CEP350: variants seen among roughly 807,000 people sequenced by gnomAD.
The protein encoded by CEP350 is centrosomal protein 350, also known as centrosome-associated protein 350.
CEP350 carries 126 observed loss-of-function variants against 331.8 expected under a neutral mutation model. The ratio of observed to expected loss-of-function variants is 0.38; its 90% CI spans 0.33 to 0.44. The LOEUF is 0.44. Ranked by LOEUF, CEP350 falls within the 20% of genes least tolerant of loss-of-function variation. The pLI is 1.00. For synonymous variants in CEP350, 1,200 were observed against 1,259.5 expected, an observed-to-expected ratio of 0.95 and a Z score of 1.00; for missense variants, 3,406 against 3,634.6, an observed-to-expected ratio of 0.94 and a Z score of 1.62.
At chr1:180,029,563 T>G (rs1234850732) in intron 14 of CEP350, among the ~76,000 whole-genome samples, 1 of 152,192 alleles carries the variant, frequency 6.6e-6, no homozygotes, top group Non-Finnish European at 1.5e-5. Flanking sequence ...CCACTCAACT[T>G]CAGAACTTTC....
Position 179,996,776 on chromosome 1 carries a change from C to G in CEP350, c.619C>G (p.Gln207Glu). 6.2e-7 allele frequency: 1 copy of G among 1,613,306 alleles called. No individual in the cohort carries two copies. The highest frequency in any genetic ancestry group is 2.2e-5 in the East Asian group (1 of 44,888). ...LNDRPAIDAL[Q>E]NSECLIRMGA... is the part of the protein sequence containing the mutation. The stretch of plus-strand genomic sequence containing the variant: ...TGATCGACCAGCAATTGATGCATTG[C>G]AAAATTCTGAATGTTTGATTAGGAT... The change falls in exon 6 of 38, where the codon CAA (glutamine) becomes GAA (glutamate). Residue 207 changes from glutamine (Q) to glutamate (E), a missense_variant. Gln to Glu is a conservative substitution (Grantham distance 29). Around this residue, in one of 5 missense-constraint regions of CEP350, gnomAD observed 1,857 missense variants for 1,909.2 expected, o/e 0.97. Coordinates refer to ENST00000367607, the MANE Select transcript of CEP350 (RefSeq NM_014810.5).
At chr1:180,064,975 A>G in intron 26 of CEP350, 140 bp from the exon 27 acceptor site, 1 of 845,094 alleles carries the variant, frequency 1.2e-6, no homozygotes, top group Non-Finnish European at 1.7e-6. Context: ...TGTGTGATAT[A>G]TTTTGTCCTT....
chr1:180,085,104 CT>C (rs1277627610), intron 31 of CEP350, among the ~76,000 whole-genome samples: 1 of 150,320 alleles, frequency 6.7e-6, no homozygotes, highest in Admixed American at 6.7e-5. Context: ...TCCCCTTCCC[CT>C]TTCCCCTTTC....
intron 31 of CEP350, among the ~76,000 whole-genome samples, chr1:180,085,124 T>C (rs1659790022): frequency 6.7e-6 from 1 of 149,616 alleles, no homozygotes; most frequent in African/African-American, 2.5e-5. Context: ...TCCCTTTCCC[T>C]TCCCCTTTCC....
At chr1:179,992,335 A>T in intron 5 of CEP350, 114 bp downstream of exon 5, 3 of 761,374 alleles carry the variant, frequency 3.9e-6, no homozygotes, top group Non-Finnish European at 3.7e-6. Context: ...AAATAGTATA[A>T]TACTCTAATA....
chr1:180,090,464 T>G (rs2149120655), intron 32 of CEP350, among the ~76,000 whole-genome samples: 1 of 138,550 alleles, frequency 7.2e-6, no homozygotes, highest in East Asian at 2.2e-4. Flanking sequence ...GAGAATGGCG[T>G]GAACCCGGGA....
chr1:179,988,606 A>T (rs554156169), intron 3 of CEP350, among the ~76,000 whole-genome samples: 81 of 152,180 alleles, frequency 5.3e-4, no homozygotes, highest in Admixed American at 1.6e-3. Flanking sequence ...TGTTCTGGCC[A>T]ATCTTGTCTA....
At chr1:180,097,307 A>C (rs1197921729) in intron 36 of CEP350, among the ~76,000 whole-genome samples, 1 of 152,260 alleles carries the variant, frequency 6.6e-6, no homozygotes, top group East Asian at 1.9e-4. Context: ...CGCAAAGCCT[A>C]AAATATTTAC....
At chr1:180,004,723 ACTT>A (rs1021583900) in intron 7 of CEP350, among the ~76,000 whole-genome samples, 11 of 152,184 alleles carry the variant, frequency 7.2e-5, no homozygotes, top group African/African-American at 2.4e-4. Flanking sequence ...ATGATTGATC[ACTT>A]CTTCTTTGAA....
At chr1:180,106,015 A>T (rs993988112) in intron 37 of CEP350, among the ~76,000 whole-genome samples, 1 of 152,166 alleles carries the variant, frequency 6.6e-6, no homozygotes, top group African/African-American at 2.4e-5. Flanking sequence ...TTTCTTTCAC[A>T]AAGGCATTGA....
intron 1 of CEP350, among the ~76,000 whole-genome samples, chr1:179,978,198 T>C (rs1236515974): frequency 1.3e-5 from 2 of 152,140 alleles, no homozygotes; most frequent in Non-Finnish European, 2.9e-5. Flanking sequence ...GAAAGTAGAA[T>C]GTTGTGACAA....
chr1:179,990,160 T>G (rs1168670450), intron 3 of CEP350, among the ~76,000 whole-genome samples: 1 of 151,938 alleles, frequency 6.6e-6, no homozygotes, highest in East Asian at 1.9e-4. Context: ...CACTCCAGCC[T>G]GCGCGACAGA....
chr1:179,968,294 G>T (rs1651172374), intron 1 of CEP350, among the ~76,000 whole-genome samples: 1 of 148,062 alleles, frequency 6.8e-6, no homozygotes, highest in African/African-American at 2.5e-5. Flanking sequence ...TTGCGCCACT[G>T]CACTCCCGCC....
At chr1:180,052,276 G>C (rs1326612483) in intron 22 of CEP350, 2 of 449,180 alleles carry the variant, frequency 4.5e-6, no homozygotes, top group Non-Finnish European at 8.9e-6. Flanking sequence ...TGGCCTCAAG[G>C]GATCCTCCCA....
At chr1:180,104,072 AATAT>A (rs1215585445) in intron 37 of CEP350, among the ~76,000 whole-genome samples, 2 of 147,914 alleles carry the variant, frequency 1.4e-5, no homozygotes, top group African/African-American at 4.9e-5. Context: ...AATATACACA[AATAT>A]ATATATTTTA....
intron 32 of CEP350, among the ~76,000 whole-genome samples, chr1:180,089,799 G>A (rs1210771400): frequency 6.6e-6 from 1 of 152,082 alleles, no homozygotes; most frequent in Non-Finnish European, 1.5e-5. Flanking sequence ...AAGTTATCAG[G>A]GTTAGAAATA....
intron 14 of CEP350, among the ~76,000 whole-genome samples, chr1:180,029,172 A>T (rs913924507): frequency 6.6e-6 from 1 of 152,210 alleles, no homozygotes; most frequent in Non-Finnish European, 1.5e-5. Context: ...TTGCTTTAAG[A>T]TATGGAATAT....
chr1:180,014,836 C>T (rs183052891), intron 10 of CEP350, among the ~76,000 whole-genome samples: 2 of 152,292 alleles, frequency 1.3e-5, no homozygotes, highest in Admixed American at 6.5e-5. Flanking sequence ...AACCCCTTTG[C>T]AGTTGAAAAT....
rs2477120 is a variant in CEP350, at chr1:180,020,607, G to C, written c.2833G>C (p.Glu945Gln). The C allele has an allele frequency of 0.64, 1,030,566 of 1,613,658 alleles. 334,925 individuals are homozygous for C. The highest frequency in any genetic ancestry group is 0.77 in the Admixed American group (46,002 of 59,992). Residue 945 changes from glutamate to glutamine, a missense_variant, in exon 12 of 38, where the codon GAA (glutamate) becomes CAA (glutamine). Transcript: ENST00000367607. ...AGTGAGATCCCCTGGTCCCAAACCA[G>C]AAGGGCTACTGGCACAGTTATGTAA... ...FRVRSPGPKP[E>Q]GLLAQLCKRQ... is the part of the protein sequence containing the mutation.
Sources: gnomAD v4.1 joint callset for allele counts (sites outside exome capture counted in the v4.1 genomes callset) on GRCh38, gnomAD v4.1.1 for gene constraint, gnomAD v4.1.1 regional missense constraint, MANE v1.5 for transcripts, NCBI Gene and HGNC (gene_info 2026-07-23, HGNC 2026-07-21) for gene names.